PCDH15: variants seen among roughly 807,000 people sequenced by gnomAD.
The protein encoded by PCDH15 is protocadherin related 15.
PCDH15 carries 129 observed loss-of-function variants against 178.5 expected under a neutral mutation model. The ratio of observed to expected loss-of-function variants is 0.72; its 90% CI spans 0.63 to 0.84. The LOEUF is 0.84. Among genes scored for constraint, PCDH15 ranks in the 40% least tolerant of loss-of-function variants. The pLI, the probability that PCDH15 is intolerant of heterozygous loss-of-function variation, is 0.00. For missense variants in PCDH15, 2,230 were observed against 2,099.9 expected (o/e 1.06, Z -1.21); for synonymous variants, 800 against 732.0 (o/e 1.09, Z -1.50).
intron 3 of PCDH15, among the ~76,000 whole-genome samples, chr10:54,858,271 G>A (rs1009716931): frequency 5.9e-5 from 9 of 151,954 alleles, no homozygotes; most frequent in South Asian, 4.1e-4. Flanking sequence ...ATAATATTCC[G>A]TTGTGTATAC....
chr10:54,319,719 T>TA (rs201307455), intron 7 of PCDH15, among the ~76,000 whole-genome samples: 3 of 151,874 alleles, frequency 2.0e-5, no homozygotes, highest in South Asian at 2.1e-4. Flanking sequence ...ACCTGTATTT[T>TA]TTTTTTTTTG....
intron 2 of PCDH15, among the ~76,000 whole-genome samples, chr10:55,409,796 C>G (rs927532295): frequency 1.3e-5 from 2 of 152,032 alleles, no homozygotes; most frequent in African/African-American, 4.8e-5. Flanking sequence ...CATTAAAGTA[C>G]TAATTTGCCC....
At chr10:54,032,050 T>C (rs902437261) in intron 18 of PCDH15, among the ~76,000 whole-genome samples, 2 of 151,948 alleles carry the variant, frequency 1.3e-5, no homozygotes, top group African/African-American at 4.8e-5. Context: ...TATTAAATTA[T>C]ATTTAGTTTT....
intron 1 of PCDH15, among the ~76,000 whole-genome samples, chr10:55,212,311 G>C (rs1840591123): frequency 6.6e-6 from 1 of 150,640 alleles, no homozygotes; most frequent in Non-Finnish European, 1.5e-5. Flanking sequence ...CTCTTCACCA[G>C]CTCATCTATA....
chr10:54,977,379 G>A (rs2131900032), intron 2 of PCDH15, among the ~76,000 whole-genome samples: 1 of 152,230 alleles, frequency 6.6e-6, no homozygotes, highest in South Asian at 2.1e-4. Flanking sequence ...CTATGAAAGT[G>A]GCCTCTGATC....
At chr10:53,941,583 G>T (rs2086072972) in intron 23 of PCDH15, among the ~76,000 whole-genome samples, 1 of 152,122 alleles carries the variant, frequency 6.6e-6, no homozygotes, top group African/African-American at 2.4e-5. Context: ...CATCTTGGTT[G>T]CTTCCAAGTT....
intron 1 of PCDH15, among the ~76,000 whole-genome samples, chr10:55,223,405 G>T (rs1219146591): frequency 6.6e-6 from 1 of 151,870 alleles, no homozygotes; most frequent in African/African-American, 2.4e-5. Context: ...TAATTATTTT[G>T]GTTTGTTTTG....
intron 5 of PCDH15, among the ~76,000 whole-genome samples, chr10:54,350,736 A>T (rs1944042579): frequency 6.6e-6 from 1 of 152,206 alleles, no homozygotes; most frequent in East Asian, 1.9e-4. Flanking sequence ...TAATCCCAGC[A>T]CTTTGGGAGG....
chr10:55,366,581 T>C (rs971279664), intron 2 of PCDH15, among the ~76,000 whole-genome samples: 1 of 152,178 alleles, frequency 6.6e-6, no homozygotes, highest in Non-Finnish European at 1.5e-5. Flanking sequence ...AACACTCTTA[T>C]AAGCTAACTA....
intron 2 of PCDH15, among the ~76,000 whole-genome samples, chr10:54,978,366 T>C (rs945533111): frequency 2.4e-4 from 36 of 152,248 alleles, no homozygotes; most frequent in African/African-American, 8.7e-4. Context: ...AAATCGTGCA[T>C]GTTATACGAC....
chr10:54,158,778 A>G (rs180846075), intron 13 of PCDH15, among the ~76,000 whole-genome samples: 70 of 152,308 alleles, frequency 4.6e-4, no homozygotes, highest in African/African-American at 1.6e-3. Flanking sequence ...GAGTGTAAAC[A>G]CGGTATTTTA....
chr10:54,939,866 T>C (rs535151025), intron 2 of PCDH15, among the ~76,000 whole-genome samples: 6 of 152,138 alleles, frequency 3.9e-5, no homozygotes, highest in Non-Finnish European at 4.4e-5. Flanking sequence ...ACTAATCTAG[T>C]TCGTGAGATC....
At chr10:54,139,438 C>A (rs1224167952) in intron 14 of PCDH15, among the ~76,000 whole-genome samples, 1 of 151,998 alleles carries the variant, frequency 6.6e-6, no homozygotes, top group African/African-American at 2.4e-5. Flanking sequence ...GTTGTAGGTA[C>A]ACTTTTTGTG....
intron 3 of PCDH15, among the ~76,000 whole-genome samples, chr10:54,853,611 C>T (rs1349982519): frequency 6.6e-6 from 1 of 150,522 alleles, no homozygotes; most frequent in Non-Finnish European, 1.5e-5. Flanking sequence ...TCCTTGTATT[C>T]CTAAAATTAA....
intron 2 of PCDH15, among the ~76,000 whole-genome samples, chr10:54,937,321 A>G (rs533910956): frequency 6.6e-6 from 1 of 151,900 alleles, no homozygotes; most frequent in Admixed American, 6.6e-5. Context: ...TGACTTTTAG[A>G]TCTGGCTTGC....
chr10:54,792,744 G>A (rs1440762618), intron 1 of PCDH15, among the ~76,000 whole-genome samples: 4 of 151,680 alleles, frequency 2.6e-5, no homozygotes, highest in Admixed American at 2.0e-4. Flanking sequence ...ACAATTTCTT[G>A]TCTATCTATC....
intron 2 of PCDH15, among the ~76,000 whole-genome samples, chr10:54,662,330 CA>C (rs2094504313): frequency 6.6e-6 from 1 of 151,896 alleles, no homozygotes; most frequent in Admixed American, 6.6e-5. Context: ...TAGAGAAATG[CA>C]AGTTACAACA....
intron 13 of PCDH15, among the ~76,000 whole-genome samples, chr10:54,182,866 A>C (rs2133792221): frequency 6.6e-6 from 1 of 152,236 alleles, no homozygotes; most frequent in East Asian, 1.9e-4. Context: ...TTTTTAAAGT[A>C]ACAACCAAGC....
chr10:55,188,553 C>T (rs971111844), intron 1 of PCDH15, among the ~76,000 whole-genome samples: 2 of 151,884 alleles, frequency 1.3e-5, no homozygotes, highest in African/African-American at 4.8e-5. Flanking sequence ...AGTTAAGAAA[C>T]TATTTTTGTT....
Sources: allele counts gnomAD v4.1 joint callset (sites outside exome capture counted in the v4.1 genomes callset), GRCh38; gene constraint gnomAD v4.1.1; transcripts MANE v1.5; gene names NCBI Gene and HGNC (gene_info 2026-07-23, HGNC 2026-07-21).